SORL1: variants seen among roughly 807,000 people sequenced by gnomAD.
The protein encoded by SORL1 is sortilin related receptor 1.
In SORL1, 127 loss-of-function variants were observed where a neutral mutation model predicts 273.7. That is an observed-to-expected ratio of 0.46 (90% confidence interval 0.40 to 0.54). SORL1 has a LOEUF of 0.54. Among genes scored for constraint, SORL1 ranks in the 20% least tolerant of loss-of-function variants. The probability of loss-of-function intolerance (pLI) is 0.00; values close to 1 mark genes in which losing one functional copy is unlikely to be tolerated. For synonymous variants in SORL1, 1,031 were observed against 1,067.4 expected (o/e 0.97, Z 0.66); for missense variants, 2,494 against 2,846.1 (o/e 0.88, Z 2.81).
chr11:121,467,175 A>G (rs1472250198), intron 1 of SORL1, among the ~76,000 whole-genome samples: 1 of 151,562 alleles, frequency 6.6e-6, no homozygotes, highest in Non-Finnish European at 1.5e-5. Flanking sequence ...GACTACAGGC[A>G]CCCGCCACCA....
At chr11:121,524,921 CT>C (rs1862098701) in intron 11 of SORL1, among the ~76,000 whole-genome samples, 1 of 150,162 alleles carries the variant, frequency 6.7e-6, no homozygotes, top group Non-Finnish European at 1.5e-5. Flanking sequence ...TGCTTTTTTT[CT>C]TTTTAAAATA....
At chr11:121,491,902 C>T (rs982318320) in intron 5 of SORL1, among the ~76,000 whole-genome samples, 1 of 152,218 alleles carries the variant, frequency 6.6e-6, no homozygotes, top group Admixed American at 6.5e-5. Context: ...CAGATACCTT[C>T]TTACCACAGG....
intron 26 of SORL1, among the ~76,000 whole-genome samples, chr11:121,585,118 A>G (rs1863074451): frequency 6.6e-6 from 1 of 152,224 alleles, no homozygotes; most frequent in African/African-American, 2.4e-5. Context: ...ATAGCTTTAT[A>G]AAACTAGGAT....
chr11:121,511,017 A>G (rs1205025648), intron 6 of SORL1, among the ~76,000 whole-genome samples: 1 of 151,284 alleles, frequency 6.6e-6, no homozygotes, highest in Non-Finnish European at 1.5e-5. Context: ...GAGCCTTACA[A>G]TACATCTTAT....
intron 6 of SORL1, among the ~76,000 whole-genome samples, chr11:121,502,465 C>T (rs1216723463): frequency 2.6e-5 from 4 of 152,056 alleles, no homozygotes; most frequent in South Asian, 2.1e-4. Context: ...TTTCGAGAAT[C>T]GGTCAAGTGG....
intron 25 of SORL1, among the ~76,000 whole-genome samples, chr11:121,582,334 C>G (rs1036459282): frequency 1.3e-5 from 2 of 152,262 alleles, no homozygotes; most frequent in Non-Finnish European, 2.9e-5. Flanking sequence ...CAGCAACCCA[C>G]TTCTGTGTGT....
intron 32 of SORL1, among the ~76,000 whole-genome samples, chr11:121,601,359 G>A (rs1303468748): frequency 4.9e-4 from 72 of 146,712 alleles, no homozygotes; most frequent in Middle Eastern, 3.4e-3. Context: ...ATAAACATAC[G>A]TGTGCATGTG....
chr11:121,531,848 G>A (rs979400450), intron 11 of SORL1, among the ~76,000 whole-genome samples: 1 of 152,176 alleles, frequency 6.6e-6, no homozygotes, highest in African/African-American at 2.4e-5. Flanking sequence ...TCCTTTCTCT[G>A]GTTCCTTTGG....
intron 3 of SORL1, among the ~76,000 whole-genome samples, chr11:121,481,045 C>T (rs529401636): frequency 7.4e-5 from 9 of 121,300 alleles, no homozygotes; most frequent in African/African-American, 2.8e-4. Flanking sequence ...TCCCCAGCTC[C>T]TCCCCTAGTG....
At chr11:121,556,448 T>C (rs1214728152) in intron 18 of SORL1, among the ~76,000 whole-genome samples, 1 of 152,156 alleles carries the variant, frequency 6.6e-6, no homozygotes, top group Non-Finnish European at 1.5e-5. Context: ...GGGATGCTGA[T>C]AGAAGTGAAC....
In SORL1 at chr11:121,523,152, A is replaced by G. The variant is rs377006936; in HGVS notation, c.1596+163A>G. Among the ~76,000 whole-genome samples the G allele has an allele frequency of 2.6e-5, 4 of 152,360 alleles. No individual in the cohort carries two copies. The South Asian group carries it at 8.3e-4, about 32-fold the overall frequency. The stretch of plus-strand genomic sequence containing the variant: ...GAAAGGTACCTGAAGCCACTGATTT[A>G]TATCCACAGTTACTTTAAATTAAAC... On this transcript the variant is annotated intron_variant, in intron 11 of 47. Transcript: ENST00000260197.
chr11:121,585,292 T>C, intron 26 of SORL1, among the ~76,000 whole-genome samples: 1 of 152,198 alleles, frequency 6.6e-6, no homozygotes, highest in East Asian at 1.9e-4. Flanking sequence ...GAGATCAGCC[T>C]GGGCAACATA....
chr11:121,613,458 G>T (rs764826341), intron 40 of SORL1, among the ~76,000 whole-genome samples: 1 of 152,260 alleles, frequency 6.6e-6, no homozygotes, highest in Non-Finnish European at 1.5e-5. Context: ...CCTCCTTCTA[G>T]GCTGTGAAGC....
rs768055593 is a variant in SORL1, at chr11:121,614,827, C to T, written c.5420-44C>T. On this transcript the variant is annotated intron_variant, in intron 40 of 47. Transcript: ENST00000260197. ...TGTACCAAGACACGTTCTTGACTAA[C>T]ACCCCCAACTTCCTCCTGGAATCTC... 27 of 1,541,742 alleles carry T rather than the reference C, an allele frequency of 1.8e-5. No homozygotes were observed. In the South Asian group the frequency reaches 2.7e-4, roughly 15 times the overall value.
In SORL1 at chr11:121,618,667, C is replaced by T. The variant is rs559503083; in HGVS notation, c.5605-107C>T. Reference sequence around the variant, plus strand: ...TAATAAATGTTGAATGAAGACTTCTCTGTGAGCTCTTTTGAAGCAGTTCCA... The same window carrying T: ...TAATAAATGTTGAATGAAGACTTCTTTGTGAGCTCTTTTGAAGCAGTTCCA... On this transcript the variant is annotated intron_variant, in intron 41 of 47. Transcript: ENST00000260197. The T allele has an allele frequency of 1.5e-4, 200 of 1,350,988 alleles. No individual in the cohort carries two copies. In the East Asian group the frequency reaches 4.6e-3, roughly 31 times the overall value. 83.7% of individuals were successfully genotyped at this position (1,350,988 alleles called of 1,614,324 possible).
At chr11:121,622,083 A>G in intron 44 of SORL1, 79 bp from the exon 45 acceptor site, 2 of 823,536 alleles carry the variant, frequency 2.4e-6, no homozygotes, top group Non-Finnish European at 4.0e-6. Flanking sequence ...GCATTATTTA[A>G]TCTCTCTTTG....
chr11:121,456,609 G>A (rs190714871), intron 1 of SORL1, among the ~76,000 whole-genome samples: 2 of 152,322 alleles, frequency 1.3e-5, no homozygotes, highest in East Asian at 1.9e-4. Context: ...TCAATGAAGA[G>A]CTTGGATTCT....
chr11:121,576,456 A>G (rs560475418), intron 24 of SORL1, among the ~76,000 whole-genome samples: 1 of 152,330 alleles, frequency 6.6e-6, no homozygotes, highest in African/African-American at 2.4e-5. Flanking sequence ...TAATTACCTC[A>G]CAGGGGTCCC....
intron 6 of SORL1, among the ~76,000 whole-genome samples, chr11:121,507,919 G>C (rs1238181657): frequency 6.6e-6 from 1 of 151,986 alleles, no homozygotes; most frequent in Non-Finnish European, 1.5e-5. Flanking sequence ...CCCTTCCTCA[G>C]GGTTTTGTGT....
Sources: allele counts gnomAD v4.1 joint callset (sites outside exome capture counted in the v4.1 genomes callset), GRCh38; gene constraint gnomAD v4.1.1; transcripts MANE v1.5; gene names NCBI Gene and HGNC (gene_info 2026-07-23, HGNC 2026-07-21).